Variants in SND1 observed in about 807,000 individuals in gnomAD.
The protein encoded by SND1 is staphylococcal nuclease and tudor domain containing 1, also known as staphylococcal nuclease domain-containing protein 1.
SND1 carries 38 observed loss-of-function variants against 121.7 expected under a neutral mutation model. The ratio of observed to expected loss-of-function variants is 0.31; its 90% confidence interval spans 0.24 to 0.41. The LOEUF (loss-of-function observed/expected upper bound fraction) is 0.41, where lower values mean the gene tolerates loss of function less well. Among genes scored for constraint, SND1 ranks in the 10% least tolerant of loss-of-function variants. SND1 has a pLI of 1.00. For missense variants in SND1, 868 were observed against 1,184.6 expected (o/e 0.73, Z 3.92); for synonymous variants, 401 against 447.4 (o/e 0.90, Z 1.31).
At position 127,694,893 on chromosome 7, in the gene SND1, G is replaced by A. The variant is rs775710971; in HGVS notation, c.294G>A (p.Thr98=). 4.5e-5 allele frequency: 72 copies of A among 1,613,790 alleles called. No homozygotes were observed. The highest frequency in any genetic ancestry group is 3.3e-4 in the Middle Eastern group (2 of 6,082). ...TGATTGGGAAGGAAGTCTGTTTCAC[G>A]ATAGAAAACAAGACTCCCCAGGGGC... ...KKLIGKEVCF[T]IENKTPQGRE... is the part of the protein sequence containing the mutation. Residue 98 remains threonine (T), a synonymous_variant, in exon 3 of 24, where the codon ACG becomes ACA. Coordinates refer to ENST00000354725, the MANE Select transcript of SND1 (RefSeq NM_014390.4).
chr7:128,007,606 T>G (rs1215670095), intron 16 of SND1, among the ~76,000 whole-genome samples: 1 of 152,212 alleles, frequency 6.6e-6, no homozygotes, highest in Non-Finnish European at 1.5e-5. Context: ...AACTCCTTTT[T>G]TAGGCAAAGA....
chr7:128,004,965 C>T (rs1423734872), intron 16 of SND1, among the ~76,000 whole-genome samples: 1 of 152,162 alleles, frequency 6.6e-6, no homozygotes, highest in Non-Finnish European at 1.5e-5. Flanking sequence ...TTTTCAAGTA[C>T]GAAGCAAGAT....
chr7:127,975,190 A>G (rs1465579070), intron 15 of SND1, among the ~76,000 whole-genome samples: 1 of 152,192 alleles, frequency 6.6e-6, no homozygotes, highest in Non-Finnish European at 1.5e-5. Context: ...AGACTCCCCA[A>G]ATTTCCCTAC....
Position 128,078,498 on chromosome 7 carries a change from C to T in SND1, c.1969-2862C>T, listed in dbSNP as rs561670613. On this transcript the variant is annotated intron_variant, in intron 17 of 23. Transcript: ENST00000354725. ...AGGTGGCAGTGTGCACCACCCCACCCACCACGAAGTGAGCTGTGGCACCTT... is the reference window on the plus strand; with the variant it reads ...AGGTGGCAGTGTGCACCACCCCACCTACCACGAAGTGAGCTGTGGCACCTT... Among the ~76,000 whole-genome samples the T allele has an allele frequency of 1.5e-4, 23 of 152,376 alleles. 1 individual carries two copies. In the South Asian group the frequency reaches 4.8e-3, roughly 32 times the overall value.
At position 127,997,350 on chromosome 7, in the gene SND1, C is replaced by G. The variant is rs568575249; in HGVS notation, c.1779+6294C>G. The G allele has an allele frequency of 4.3e-4, 86 of 200,748 alleles. 1 individual carries two copies. In the South Asian group the frequency reaches 7.7e-3, roughly 18 times the overall value. 12.4% of individuals were successfully genotyped at this position (200,748 alleles called of 1,614,324 possible). A position where few individuals can be genotyped will look rare whatever the true frequency, so the allele number is the denominator to read the frequency against. ...GACTTCCCTGAAGGTCCCACATTGA[C>G]TAAGAGTCAGTCTTCTATAGGGCAT... On this transcript the variant is annotated intron_variant, in intron 16 of 23. Transcript: ENST00000354725.
At chr7:127,806,390 TA>T (rs1365174847) in intron 10 of SND1, among the ~76,000 whole-genome samples, 1 of 152,222 alleles carries the variant, frequency 6.6e-6, no homozygotes, top group Non-Finnish European at 1.5e-5. Flanking sequence ...TGGCATTGCT[TA>T]GAATAGCCAC....
At chr7:127,928,981 G>A (rs1490978881) in intron 14 of SND1, among the ~76,000 whole-genome samples, 4 of 152,184 alleles carry the variant, frequency 2.6e-5, no homozygotes, top group African/African-American at 4.8e-5. Flanking sequence ...TTTTAACTGA[G>A]TATTTAAGTT....
Position 127,683,520 on chromosome 7 carries a change from AGT to A in SND1, c.79-3088_79-3087del, listed in dbSNP as rs1462300220. Among the ~76,000 whole-genome samples the A allele has an allele frequency of 3.9e-5, 6 of 152,282 alleles. No homozygotes were observed. In the East Asian group the frequency reaches 9.6e-4, roughly 24 times the overall value. On this transcript the variant is annotated intron_variant, in intron 1 of 23. Transcript: ENST00000354725. The stretch of plus-strand genomic sequence containing the variant: ...GCTTGAGCCATTGCACCCAGCCTGT[AGT>A]GTGTTTTGAATGATTTCAGTTTCTG...
chr7:127,930,643 G>A (rs996716308), intron 15 of SND1, among the ~76,000 whole-genome samples: 1 of 152,212 alleles, frequency 6.6e-6, no homozygotes, highest in Non-Finnish European at 1.5e-5. Context: ...TTGGAGGGCT[G>A]TGGTTTTATT....
chr7:127,843,645 G>A (rs1799005198), intron 11 of SND1, among the ~76,000 whole-genome samples: 1 of 152,132 alleles, frequency 6.6e-6, no homozygotes, highest in African/African-American at 2.4e-5. Flanking sequence ...ACCTACTGAA[G>A]GATATATGGA....
intron 14 of SND1, among the ~76,000 whole-genome samples, chr7:127,910,849 T>C (rs1040377942): frequency 8.5e-5 from 13 of 152,180 alleles, no homozygotes; most frequent in Non-Finnish European, 1.9e-4. Flanking sequence ...GCCGGGTGGG[T>C]TTCTGTGACC....
chr7:127,971,422 C>T (rs754955463), intron 15 of SND1, among the ~76,000 whole-genome samples: 5 of 152,146 alleles, frequency 3.3e-5, no homozygotes, highest in Non-Finnish European at 5.9e-5. Flanking sequence ...AGTCAGATAT[C>T]CCAGTCTTAG....
intron 16 of SND1, among the ~76,000 whole-genome samples, chr7:128,025,746 G>GT (rs1057254297): frequency 3.9e-5 from 6 of 152,160 alleles, no homozygotes; most frequent in African/African-American, 1.4e-4. Context: ...GCCTACTGGG[G>GT]TAAGGAACTC....
chr7:127,908,179 G>A (rs986766499), intron 14 of SND1, among the ~76,000 whole-genome samples: 4 of 152,002 alleles, frequency 2.6e-5, no homozygotes, highest in African/African-American at 7.2e-5. Context: ...TAGACCGGGC[G>A]TGGTGGCTCA....
intron 11 of SND1, among the ~76,000 whole-genome samples, chr7:127,816,471 C>T (rs1798443240): frequency 6.6e-6 from 1 of 152,126 alleles, no homozygotes; most frequent in African/African-American, 2.4e-5. Flanking sequence ...GCCTTCTCAC[C>T]TCTTCTGGCT....
intron 11 of SND1, among the ~76,000 whole-genome samples, chr7:127,841,067 G>A (rs1798956345): frequency 6.6e-6 from 1 of 152,170 alleles, no homozygotes; most frequent in Non-Finnish European, 1.5e-5. Flanking sequence ...ATACACAGGT[G>A]TTCACTTTTG....
At chr7:127,842,162 A>G (rs1174021733) in intron 11 of SND1, among the ~76,000 whole-genome samples, 1 of 152,102 alleles carries the variant, frequency 6.6e-6, no homozygotes, top group East Asian at 1.9e-4. Flanking sequence ...GTGTGGCTGA[A>G]CTCCATGCTT....
chr7:128,082,093 C>G (rs919601001), intron 18 of SND1: 2 of 389,030 alleles, frequency 5.1e-6, no homozygotes, highest in Non-Finnish European at 1.1e-5. Context: ...TGCACTGTGG[C>G]CAGGGTCCCC....
intron 10 of SND1, among the ~76,000 whole-genome samples, chr7:127,782,012 C>A (rs1797732679): frequency 6.6e-6 from 1 of 152,150 alleles, no homozygotes; most frequent in Non-Finnish European, 1.5e-5. Flanking sequence ...TGAGTGGTGA[C>A]CAGTTTCTTG....
Sources: allele counts gnomAD v4.1 joint callset (sites outside exome capture counted in the v4.1 genomes callset), GRCh38; gene constraint gnomAD v4.1.1; transcripts MANE v1.5; gene names NCBI Gene and HGNC (gene_info 2026-07-23, HGNC 2026-07-21).